Variants in CCDC138 observed in about 807,000 individuals in gnomAD.
CCDC138 encodes the protein coiled-coil domain containing 138, also known as coiled-coil domain-containing protein 138.
CCDC138 carries 66 observed loss-of-function variants against 82.3 expected under a neutral mutation model. That is an observed-to-expected ratio of 0.80 (90% confidence interval 0.66 to 0.98). The LOEUF (loss-of-function observed/expected upper bound fraction) is 0.98. Among genes scored for constraint, CCDC138 ranks in the 50% least tolerant of loss-of-function variants. The pLI is 0.00. For synonymous variants in CCDC138, 297 were observed against 265.4 expected (o/e 1.12, Z -1.16); for missense variants, 816 against 758.9 (o/e 1.08, Z -0.88).
rs761111090 is a variant in CCDC138, at chr2:108,856,785, A to G, written c.1517-9A>G. The G allele has an allele frequency of 5.6e-6, 9 of 1,611,138 alleles. No homozygotes were observed. The highest frequency in any genetic ancestry group is 6.8e-6 in the Non-Finnish European group (8 of 1,179,050). On this transcript the variant is annotated splice_polypyrimidine_tract_variant and intron_variant, in intron 12 of 14. Transcript: ENST00000295124. ...AAACTGCAGTTGATTGTACATAACT[A>G]TTTTCCAGCTGATTACCTGGCTCAG...
chr2:108,867,541 C>T (rs1476216084), intron 13 of CCDC138, among the ~76,000 whole-genome samples: 3 of 152,100 alleles, frequency 2.0e-5, no homozygotes, highest in African/African-American at 7.2e-5. Context: ...CCTCCCCAAG[C>T]CTTTGGCAAG....
chr2:108,821,231 G>A (rs1685640601), intron 10 of CCDC138, among the ~76,000 whole-genome samples: 1 of 152,074 alleles, frequency 6.6e-6, no homozygotes, highest in Non-Finnish European at 1.5e-5. Flanking sequence ...GGTCATACGT[G>A]CCTGTAATCC....
intron 6 of CCDC138, among the ~76,000 whole-genome samples, chr2:108,798,877 A>T (rs1375538214): frequency 6.6e-6 from 1 of 151,254 alleles, no homozygotes; most frequent in East Asian, 2.0e-4. Flanking sequence ...ATTTGAAAGC[A>T]GTTTGTAAAA....
intron 10 of CCDC138, among the ~76,000 whole-genome samples, chr2:108,820,385 A>AGAGAAG (rs1276491987): frequency 6.6e-6 from 1 of 152,198 alleles, no homozygotes. Flanking sequence ...GAATGAGAAG[A>AGAGAAG]GAGAAGGAGA....
chr2:108,855,235 AAAAG>A (rs1212596690), intron 12 of CCDC138, among the ~76,000 whole-genome samples: 1 of 152,216 alleles, frequency 6.6e-6, no homozygotes, highest in Non-Finnish European at 1.5e-5. Context: ...TCACTTGTGA[AAAAG>A]AAACCAAATA....
intron 13 of CCDC138, among the ~76,000 whole-genome samples, chr2:108,872,198 G>A (rs192219421): frequency 1.3e-5 from 2 of 152,272 alleles, no homozygotes; most frequent in African/African-American, 4.8e-5. Context: ...TCAGAGAAGA[G>A]TCTGATCATT....
At chr2:108,816,205 C>T (rs1684778936) in intron 10 of CCDC138, 100 bp downstream of exon 10, 3 of 881,946 alleles carry the variant, frequency 3.4e-6, no homozygotes, top group Non-Finnish European at 3.5e-6. Context: ...AATCCCATCA[C>T]TTTGGGAGTT....
At position 108,799,264 on chromosome 2, in the gene CCDC138, T is replaced by C. The variant is rs142012051; in HGVS notation, c.735+678T>C. On this transcript the variant is annotated intron_variant, in intron 6 of 14. Transcript: ENST00000295124. Reference sequence around the variant, plus strand: ...AAATATTTTTGGCAAGGATATTGTATAGGTGGTATAATATACCTTGCTTCA... The same window carrying C: ...AAATATTTTTGGCAAGGATATTGTACAGGTGGTATAATATACCTTGCTTCA... Among the ~76,000 whole-genome samples, 286 of 152,338 alleles carry C rather than the reference T, an allele frequency of 1.9e-3. 3 individuals carry two copies. The highest frequency in any genetic ancestry group is 6.7e-3 in the African/African-American group (277 of 41,558).
At chr2:108,840,536 A>G (rs1266855094) in intron 11 of CCDC138, among the ~76,000 whole-genome samples, 1 of 152,196 alleles carries the variant, frequency 6.6e-6, no homozygotes, top group Non-Finnish European at 1.5e-5. Context: ...TATGTAATTC[A>G]TATCGATGAT....
At chr2:108,796,609 G>A (rs1680948459) in intron 5 of CCDC138, among the ~76,000 whole-genome samples, 1 of 152,108 alleles carries the variant, frequency 6.6e-6, no homozygotes, top group South Asian at 2.1e-4. Context: ...AGAAAATGTG[G>A]TATCTATACA....
chr2:108,865,516 A>C (rs1574295142), intron 13 of CCDC138, among the ~76,000 whole-genome samples: 4 of 152,274 alleles, frequency 2.6e-5, no homozygotes, highest in Admixed American at 2.6e-4. Context: ...TTACCTCTCT[A>C]AGTCTTCATG....
At chr2:108,872,597 A>G (rs554347135) in intron 13 of CCDC138, among the ~76,000 whole-genome samples, 1 of 152,268 alleles carries the variant, frequency 6.6e-6, no homozygotes, top group East Asian at 1.9e-4. Context: ...TGGGAAATCC[A>G]GTATCAAGAT....
At chr2:108,817,140 G>A (rs1684931412) in intron 10 of CCDC138, among the ~76,000 whole-genome samples, 1 of 152,146 alleles carries the variant, frequency 6.6e-6, no homozygotes, top group African/African-American at 2.4e-5. Context: ...CCTTAAAATA[G>A]GGAGGTTATC....
intron 10 of CCDC138, among the ~76,000 whole-genome samples, chr2:108,818,230 T>C (rs1685106309): frequency 6.6e-6 from 1 of 151,846 alleles, no homozygotes; most frequent in Admixed American, 6.6e-5. Context: ...CACCTGAACC[T>C]GGGGGGGTCG....
At chr2:108,808,117 T>A (rs1042397704) in intron 7 of CCDC138, among the ~76,000 whole-genome samples, 1 of 152,220 alleles carries the variant, frequency 6.6e-6, no homozygotes, top group East Asian at 1.9e-4. Flanking sequence ...TGGTAAGGTC[T>A]TTCAGGTTCA....
At chr2:108,797,933 C>T (rs6743705) in intron 5 of CCDC138, among the ~76,000 whole-genome samples, 120,554 of 151,048 alleles carry the variant, frequency 0.8, 48,397 homozygotes, top group East Asian at 0.95. Flanking sequence ...ACCATGAATT[C>T]GCAATGGGGC....
intron 4 of CCDC138, among the ~76,000 whole-genome samples, chr2:108,793,029 A>G (rs976748043): frequency 6.7e-6 from 1 of 150,050 alleles, no homozygotes; most frequent in Admixed American, 6.7e-5. Context: ...GTGCCACTGC[A>G]CTCCAGTCTG....
In CCDC138 at chr2:108,882,732, TTCTC is replaced by T. The variant is rs1696327451; in HGVS notation, c.108_111del (p.Leu37ProfsTer11). 6.6e-6 allele frequency: 1 copy of T among 152,382 alleles called. No individual in the cohort carries two copies. The highest frequency in any genetic ancestry group is 2.4e-5 in the African/African-American group (1 of 41,552). 9.4% of individuals were successfully genotyped at this position (152,382 alleles called of 1,614,324 possible). On this transcript the variant is annotated frameshift_variant, in exon 2 of 3. Transcript: ENST00000608781. LOFTEE classifies it high-confidence loss of function. ...TTCATTTTCTTCTCAGGCCTCCTCT[TTCTC>T]TCACCATCTAAGTTATTGAAATTCT...
intron 12 of CCDC138, among the ~76,000 whole-genome samples, chr2:108,850,018 T>A (rs1474344988): frequency 4.6e-5 from 7 of 152,198 alleles, no homozygotes; most frequent in Admixed American, 4.6e-4. Flanking sequence ...GGGGCCTTTG[T>A]CCTGGCCAAA....
Sources: allele counts gnomAD v4.1 joint callset (sites outside exome capture counted in the v4.1 genomes callset), GRCh38; gene constraint gnomAD v4.1.1; transcripts MANE v1.5; gene names NCBI Gene and HGNC (gene_info 2026-07-23, HGNC 2026-07-21).